Variants in CBLN2 observed in about 807,000 individuals in gnomAD.
CBLN2 encodes the protein cerebellin-2.
A neutral mutation model predicts 15.0 loss-of-function variants in CBLN2; 7 were observed. The observed-to-expected ratio is 0.47, with a 90% confidence interval of 0.27 to 0.88. The LOEUF is 0.88. Ranked by LOEUF, CBLN2 falls within the 40% of genes least tolerant of loss-of-function variation. The pLI is 0.14. For missense variants in CBLN2, 242 were observed against 304.5 expected (o/e 0.79, Z 1.53); for synonymous variants, 149 against 135.2 (o/e 1.10, Z -0.71).
intron 1 of CBLN2, among the ~76,000 whole-genome samples, chr18:72,555,307 A>G (rs1325776636): frequency 6.6e-6 from 1 of 152,094 alleles, no homozygotes; most frequent in Non-Finnish European, 1.5e-5. Flanking sequence ...TACTTTCAAT[A>G]TGTGTTCAAA....
At chr18:72,569,683 G>C (rs2069318281) in intron 1 of CBLN2, among the ~76,000 whole-genome samples, 1 of 151,982 alleles carries the variant, frequency 6.6e-6, no homozygotes, top group Non-Finnish European at 1.5e-5. Flanking sequence ...AGAGAGAGAG[G>C]GAGCAGGTGC....
At chr18:72,623,354 C>T (rs966107665) in intron 1 of CBLN2, among the ~76,000 whole-genome samples, 2 of 152,142 alleles carry the variant, frequency 1.3e-5, no homozygotes, top group Admixed American at 6.5e-5. Context: ...CAAATTGGGC[C>T]GGAACATGTT....
chr18:72,637,759 A>C (rs1399868431), intron 1 of CBLN2, among the ~76,000 whole-genome samples: 1 of 152,230 alleles, frequency 6.6e-6, no homozygotes, highest in Non-Finnish European at 1.5e-5. Flanking sequence ...CCTCTCCTGG[A>C]TCTTTCATTC....
chr18:72,556,410 A>G (rs1368817290), intron 1 of CBLN2, among the ~76,000 whole-genome samples: 2 of 152,220 alleles, frequency 1.3e-5, no homozygotes, highest in Non-Finnish European at 2.9e-5. Context: ...GTGAAATTTC[A>G]GTTAGCAATA....
At chr18:72,579,297 T>G (rs773687034) in intron 1 of CBLN2, among the ~76,000 whole-genome samples, 1 of 152,214 alleles carries the variant, frequency 6.6e-6, no homozygotes, top group Non-Finnish European at 1.5e-5. Context: ...CATAAATATA[T>G]ACATATATAA....
chr18:72,581,211 AC>A (rs1450414470), intron 1 of CBLN2, among the ~76,000 whole-genome samples: 1 of 152,152 alleles, frequency 6.6e-6, no homozygotes, highest in Non-Finnish European at 1.5e-5. Context: ...TGTCTTCCTA[AC>A]TTTTTTAACG....
intron 1 of CBLN2, among the ~76,000 whole-genome samples, chr18:72,554,168 TG>T (rs1309617618): frequency 2.0e-5 from 3 of 152,230 alleles, no homozygotes; most frequent in African/African-American, 7.2e-5. Context: ...TCTTATTTGC[TG>T]TTTTCATTAC....
At chr18:72,546,164 G>A (rs185193796), upstream of CBLN2, among the ~76,000 whole-genome samples, 95 of 152,292 alleles carry the variant, frequency 6.2e-4, 1 homozygote, top group East Asian at 0.014. Flanking sequence ...TCGGCCGGGC[G>A]CGGTGGTTCA....
At chr18:72,624,190 C>T (rs1287220346) in intron 1 of CBLN2, among the ~76,000 whole-genome samples, 3 of 151,886 alleles carry the variant, frequency 2.0e-5, no homozygotes, top group African/African-American at 7.3e-5. Flanking sequence ...GTTAAGAAAT[C>T]CAACCCCTTC....
intron 1 of CBLN2, among the ~76,000 whole-genome samples, chr18:72,570,280 TGG>T (rs2069322610): frequency 1.6e-5 from 2 of 121,336 alleles, no homozygotes. Flanking sequence ...CCTTTCTTTC[TGG>T]TTTTTTTTTT....
intron 1 of CBLN2, among the ~76,000 whole-genome samples, chr18:72,634,012 T>G (rs1161016290): frequency 1.3e-5 from 2 of 152,008 alleles, no homozygotes; most frequent in Non-Finnish European, 2.9e-5. Context: ...AAATTTTCTT[T>G]TATTGCAATA....
chr18:72,630,547 CCA>C (rs774909309), intron 1 of CBLN2, among the ~76,000 whole-genome samples: 15 of 106,730 alleles, frequency 1.4e-4, no homozygotes, highest in African/African-American at 5.2e-4. Context: ...ACCCTCCCCC[CCA>C]CACACACACA....
chr18:72,599,472 T>C (rs1381642652), intron 1 of CBLN2, among the ~76,000 whole-genome samples: 4 of 152,214 alleles, frequency 2.6e-5, no homozygotes, highest in African/African-American at 9.6e-5. Flanking sequence ...AATCTTCTTA[T>C]GACAGTGTCT....
chr18:72,557,425 A>AT (rs1177363180), intron 1 of CBLN2, among the ~76,000 whole-genome samples: 1 of 152,154 alleles, frequency 6.6e-6, no homozygotes, highest in East Asian at 1.9e-4. Flanking sequence ...GTCAAATGGT[A>AT]TTTTTGTTCT....
At chr18:72,585,600 C>T (rs62089752) in intron 1 of CBLN2, among the ~76,000 whole-genome samples, 195 of 152,142 alleles carry the variant, frequency 1.3e-3, no homozygotes, top group Non-Finnish European at 2.3e-3. Context: ...GATAAGTTCT[C>T]ACTCCAGTTT....
intron 1 of CBLN2, among the ~76,000 whole-genome samples, chr18:72,565,955 A>G (rs1463344798): frequency 6.6e-6 from 1 of 152,216 alleles, no homozygotes; most frequent in Non-Finnish European, 1.5e-5. Context: ...AAGCAACTCA[A>G]ATAATTCAAT....
intron 1 of CBLN2, among the ~76,000 whole-genome samples, chr18:72,622,658 G>A (rs2144968442): frequency 6.6e-6 from 1 of 152,200 alleles, no homozygotes; most frequent in South Asian, 2.1e-4. Flanking sequence ...TACCATTCTT[G>A]CTGTACCTGT....
chr18:72,583,089 G>T (rs965706150), intron 1 of CBLN2, among the ~76,000 whole-genome samples: 2 of 152,102 alleles, frequency 1.3e-5, no homozygotes, highest in Non-Finnish European at 2.9e-5. Context: ...CCGGGCCCAG[G>T]CCCAGGCCTC....
chr18:72,615,159 A>ATATATATAAATATATATTTATATAT lies in CBLN2; in HGVS notation c.15+23141_15+23165dup, dbSNP rs1269600845. Among the ~76,000 whole-genome samples, 831 of 136,602 alleles carry ATATATATAAATATATATTTATATAT rather than the reference A, an allele frequency of 6.1e-3. 10 individuals are homozygous for ATATATATAAATATATATTTATATAT. Among genetic ancestry groups the ATATATATAAATATATATTTATATAT allele is most frequent in the African/African-American group, 0.014 (500 of 36,720 alleles). 89.6% of individuals were successfully genotyped at this position (136,602 alleles called of 152,430 possible). On this transcript the variant is annotated intron_variant, in intron 1 of 2. Coordinates refer to the CBLN2 transcript ENST00000581073. The stretch of plus-strand genomic sequence containing the variant: ...ATATAAATAAATATAAATATAGAAA[A>ATATATATAAATATATATTTATATAT]TATATATAAATATATATTTATATAT...
Sources: allele counts gnomAD v4.1 joint callset (sites outside exome capture counted in the v4.1 genomes callset), GRCh38; gene constraint gnomAD v4.1.1; transcripts MANE v1.5; gene names NCBI Gene and HGNC (gene_info 2026-07-23, HGNC 2026-07-21).